UHRF2: variants seen among roughly 807,000 people sequenced by gnomAD.
UHRF2 encodes the protein E3 ubiquitin-protein ligase UHRF2.
A neutral mutation model predicts 96.8 loss-of-function variants in UHRF2; 23 were observed. The observed-to-expected ratio is 0.24, with a 90% CI of 0.17 to 0.34. The LOEUF (loss-of-function observed/expected upper bound fraction) is 0.34. Ranked by LOEUF, UHRF2 falls within the 10% of genes least tolerant of loss-of-function variation. The pLI, the probability that UHRF2 is intolerant of heterozygous loss-of-function variation, is 1.00. For missense variants in UHRF2, 685 were observed against 981.5 expected (o/e 0.70, Z 4.04); for synonymous variants, 385 against 332.6 (o/e 1.16, Z -1.72).
chr9:6,481,989 T>C lies in UHRF2; in HGVS notation c.1285-3T>C. 6.2e-7 allele frequency: 1 copy of C among 1,612,428 alleles called. No homozygotes were observed. The highest frequency in any genetic ancestry group is 8.5e-7 in the Non-Finnish European group (1 of 1,179,480). On this transcript the variant is annotated splice_polypyrimidine_tract_variant and splice_region_variant and intron_variant, in intron 7 of 15. Transcript: ENST00000276893. Reference sequence around the variant, plus strand: ...TTCTCAACGTTTGTTTTGCGTCTTGTAGGGAATGGCTTGTGTTGGTCGTAC... The same window carrying C: ...TTCTCAACGTTTGTTTTGCGTCTTGCAGGGAATGGCTTGTGTTGGTCGTAC...
At position 6,497,308 on chromosome 9, in the gene UHRF2, A is replaced by G; in HGVS notation, c.1715A>G (p.Lys572Arg). The G allele has an allele frequency of 6.2e-7, 1 of 1,614,066 alleles. No individual in the cohort carries two copies. Among genetic ancestry groups the G allele is most frequent in the Non-Finnish European group, 8.5e-7 (1 of 1,179,930 alleles). ...VRVIRSFKGR[K>R]ISKYAPEEGN... is the part of the protein sequence containing the mutation. ...GTGATACGCAGTTTTAAAGGGAGGA[A>G]GATCAGCAAATATGCTCCTGAAGAA... Residue 572 changes from lysine to arginine, a missense_variant, in exon 11 of 16, where the codon AAG (lysine) becomes AGG (arginine). By Grantham distance (26) the Lys-to-Arg change is conservative. Transcript: ENST00000276893.
intron 3 of UHRF2, among the ~76,000 whole-genome samples, chr9:6,444,484 A>G (rs1019099367): frequency 1.3e-5 from 2 of 152,240 alleles, no homozygotes; most frequent in Non-Finnish European, 1.5e-5. Flanking sequence ...ATGCTTCTCA[A>G]AGATGGTCAG....
intron 3 of UHRF2, among the ~76,000 whole-genome samples, chr9:6,437,373 C>A (rs147018675): frequency 2.0e-5 from 3 of 151,968 alleles, no homozygotes; most frequent in Non-Finnish European, 4.4e-5. Flanking sequence ...CCTGGGATGA[C>A]AGGTGCCTGC....
At chr9:6,439,241 G>A (rs913991632) in intron 3 of UHRF2, among the ~76,000 whole-genome samples, 2 of 152,142 alleles carry the variant, frequency 1.3e-5, no homozygotes, top group Admixed American at 1.3e-4. Flanking sequence ...CTGGAGTGCC[G>A]TGGTGTGATC....
chr9:6,450,850 G>A (rs939041011), intron 3 of UHRF2, among the ~76,000 whole-genome samples: 3 of 152,136 alleles, frequency 2.0e-5, no homozygotes, highest in African/African-American at 7.2e-5. Flanking sequence ...CCATGTCTAG[G>A]AATCCCAGTT....
chr9:6,415,271 CTG>C (rs922521108), intron 1 of UHRF2: 1 of 152,218 alleles, frequency 6.6e-6, no homozygotes, highest in African/African-American at 2.4e-5. Flanking sequence ...CCAGGGAAAA[CTG>C]AGGATAACCG....
At chr9:6,463,534 A>G (rs1380216345) in intron 4 of UHRF2, among the ~76,000 whole-genome samples, 2 of 151,552 alleles carry the variant, frequency 1.3e-5, no homozygotes, top group Non-Finnish European at 2.9e-5. Flanking sequence ...GCAGTGGCAC[A>G]ATCCCGGCTC....
chr9:6,428,019 C>G (rs1374716113), intron 2 of UHRF2, among the ~76,000 whole-genome samples: 4 of 152,302 alleles, frequency 2.6e-5, no homozygotes, highest in South Asian at 2.1e-4. Context: ...ATCGTACTTT[C>G]AAGTGGCTGT....
chr9:6,424,277 C>T (rs1207851733), intron 2 of UHRF2, among the ~76,000 whole-genome samples: 2 of 152,058 alleles, frequency 1.3e-5, no homozygotes, highest in African/African-American at 2.4e-5. Context: ...GGAATTAATG[C>T]GTGAATTAGA....
intron 1 of UHRF2, among the ~76,000 whole-genome samples, chr9:6,417,517 C>G (rs1819677195): frequency 6.6e-6 from 1 of 152,156 alleles, no homozygotes; most frequent in African/African-American, 2.4e-5. Context: ...AACTTCGGTA[C>G]TTTTCAAGTA....
intron 5 of UHRF2, among the ~76,000 whole-genome samples, chr9:6,476,225 G>A: frequency 6.6e-6 from 1 of 151,952 alleles, no homozygotes; most frequent in Non-Finnish European, 1.5e-5. Context: ...TATTTTTTAT[G>A]GCAGAATAAT....
chr9:6,473,008 CA>C (rs1364189573), intron 4 of UHRF2, among the ~76,000 whole-genome samples: 1 of 152,128 alleles, frequency 6.6e-6, no homozygotes, highest in East Asian at 1.9e-4. Context: ...GTATAGGGTA[CA>C]AACAGTAATC....
intron 3 of UHRF2, among the ~76,000 whole-genome samples, chr9:6,450,710 G>T (rs978499097): frequency 6.6e-6 from 1 of 152,112 alleles, no homozygotes; most frequent in African/African-American, 2.4e-5. Flanking sequence ...ACCTATCCCA[G>T]TTGTTACTTT....
At chr9:6,437,609 T>A (rs926810265) in intron 3 of UHRF2, among the ~76,000 whole-genome samples, 1 of 151,800 alleles carries the variant, frequency 6.6e-6, no homozygotes, top group African/African-American at 2.4e-5. Context: ...GTAAATCTGT[T>A]TTGCTTTATT....
At chr9:6,485,319 C>G (rs1824201190) in intron 8 of UHRF2, among the ~76,000 whole-genome samples, 1 of 151,838 alleles carries the variant, frequency 6.6e-6, no homozygotes, top group South Asian at 2.1e-4. Flanking sequence ...TATTTTTTTG[C>G]ATCTTTTTTC....
intron 9 of UHRF2, among the ~76,000 whole-genome samples, chr9:6,489,112 A>G (rs1490148547): frequency 1.3e-5 from 2 of 152,150 alleles, no homozygotes; most frequent in South Asian, 2.1e-4. Flanking sequence ...TCCCAGCCTC[A>G]TTTCTTCCTG....
intron 4 of UHRF2, among the ~76,000 whole-genome samples, chr9:6,473,683 T>C (rs1020168736): frequency 6.6e-6 from 1 of 152,222 alleles, no homozygotes; most frequent in African/African-American, 2.4e-5. Flanking sequence ...AAGAGCCGGA[T>C]AGTAAATAGT....
At chr9:6,452,189 T>C (rs1412830474) in intron 3 of UHRF2, among the ~76,000 whole-genome samples, 1 of 152,214 alleles carries the variant, frequency 6.6e-6, no homozygotes, top group Non-Finnish European at 1.5e-5. Flanking sequence ...TATGTTATCT[T>C]AAGGGTTTCT....
chr9:6,470,638 G>GA (rs916345266), intron 4 of UHRF2, among the ~76,000 whole-genome samples: 2 of 151,814 alleles, frequency 1.3e-5, no homozygotes, highest in Non-Finnish European at 2.9e-5. Context: ...AATATACATA[G>GA]AAAAAAAATG....
Sources: gnomAD v4.1 joint callset for allele counts (sites outside exome capture counted in the v4.1 genomes callset) on GRCh38, gnomAD v4.1.1 for gene constraint, MANE v1.5 for transcripts, NCBI Gene and HGNC (gene_info 2026-07-23, HGNC 2026-07-21) for gene names.